Variants in LRP1B observed in about 807,000 individuals in gnomAD.
The protein encoded by LRP1B is low-density lipoprotein receptor-related protein 1B.
In LRP1B, 217 loss-of-function variants were observed where a neutral mutation model predicts 556.6. The observed-to-expected ratio is 0.39, with a 90% CI of 0.35 to 0.44. The LOEUF (loss-of-function observed/expected upper bound fraction) is 0.44, where lower values mean the gene tolerates loss of function less well. Among genes scored for constraint, LRP1B ranks in the 20% least tolerant of loss-of-function variants. The pLI, the probability that LRP1B is intolerant of heterozygous loss-of-function variation, is 1.00. For synonymous variants in LRP1B, 2,047 were observed against 1,865.8 expected (o/e 1.10, Z -2.50); for missense variants, 5,053 against 5,620.8 (o/e 0.90, Z 3.23).
rs144930287 is a variant in LRP1B, at chr2:141,015,735, A to G, written c.2151T>C (p.Asp717=). Residue 717 remains aspartate (D), a synonymous_variant, in exon 13 of 91, where the codon GAT becomes GAC. Coordinates refer to ENST00000389484, the MANE Select transcript of LRP1B (RefSeq NM_018557.3). ...NTLYWCDAYY[D]HIEKVFLNGT... ...CATTCAAAAATACTTTTTCAATATG[A>G]TCGTAATAGGCATCACACCAGTATA... The G allele has an allele frequency of 1.9e-6, 3 of 1,613,132 alleles. No homozygotes were observed. Among genetic ancestry groups the G allele is most frequent in the Non-Finnish European group, 2.5e-6 (3 of 1,179,590 alleles).
At chr2:140,775,190 C>G (rs1689449538) in intron 33 of LRP1B, among the ~76,000 whole-genome samples, 1 of 151,988 alleles carries the variant, frequency 6.6e-6, no homozygotes, top group Non-Finnish European at 1.5e-5. Context: ...CATTTTATCT[C>G]CTGATGTGCA....
chr2:142,102,470 G>C (rs1055147951), intron 1 of LRP1B, among the ~76,000 whole-genome samples: 1 of 151,254 alleles, frequency 6.6e-6, no homozygotes, highest in Non-Finnish European at 1.5e-5. Context: ...ACCTAGGAAA[G>C]AATGAAACTG....
chr2:140,423,308 A>T (rs188217740), intron 66 of LRP1B, among the ~76,000 whole-genome samples: 1 of 152,270 alleles, frequency 6.6e-6, no homozygotes, highest in Non-Finnish European at 1.5e-5. Context: ...CCCCACAAAA[A>T]ATCTGGACAA....
At chr2:140,397,618 A>G (rs1040943167) in intron 66 of LRP1B, among the ~76,000 whole-genome samples, 1 of 152,210 alleles carries the variant, frequency 6.6e-6, no homozygotes, top group African/African-American at 2.4e-5. Flanking sequence ...TAAAAATTAT[A>G]CACAAATATT....
intron 2 of LRP1B, among the ~76,000 whole-genome samples, chr2:141,707,815 G>C (rs1267442218): frequency 6.6e-6 from 1 of 152,188 alleles, no homozygotes; most frequent in Non-Finnish European, 1.5e-5. Context: ...GCAGGAGACA[G>C]CCTGCCAGAT....
At chr2:141,325,071 A>G (rs899629381) in intron 3 of LRP1B, among the ~76,000 whole-genome samples, 4 of 152,120 alleles carry the variant, frequency 2.6e-5, no homozygotes, top group Admixed American at 6.6e-5. Context: ...TTGTAATAAC[A>G]TAACTGTTGA....
intron 6 of LRP1B, among the ~76,000 whole-genome samples, chr2:141,193,157 TG>T (rs1681595117): frequency 6.6e-6 from 1 of 151,964 alleles, no homozygotes; most frequent in Non-Finnish European, 1.5e-5. Context: ...GTTCAACCAT[TG>T]TAGAAAGCAG....
chr2:141,869,739 T>G (rs1400542710), intron 1 of LRP1B, among the ~76,000 whole-genome samples: 1 of 152,104 alleles, frequency 6.6e-6, no homozygotes, highest in Non-Finnish European at 1.5e-5. Flanking sequence ...AAGGATTAAA[T>G]GAGATAATCT....
chr2:140,586,719 C>T (rs1682001275), intron 43 of LRP1B: 1 of 152,032 alleles, frequency 6.6e-6, no homozygotes, highest in Non-Finnish European at 1.5e-5. Context: ...GGGTAGCACC[C>T]CTCACTTTCC....
chr2:141,694,656 A>C (rs1691669241), intron 2 of LRP1B, among the ~76,000 whole-genome samples: 1 of 152,026 alleles, frequency 6.6e-6, no homozygotes, highest in Non-Finnish European at 1.5e-5. Flanking sequence ...CAAAAAAAAA[A>C]AAAGCACAAT....
chr2:142,018,015 T>C (rs1413258419), intron 1 of LRP1B, among the ~76,000 whole-genome samples: 1 of 151,180 alleles, frequency 6.6e-6, no homozygotes, highest in Non-Finnish European at 1.5e-5. Context: ...CATGAACACA[T>C]GATAGCAGGC....
chr2:141,509,159 G>A (rs1458455356), intron 2 of LRP1B, among the ~76,000 whole-genome samples: 1 of 152,088 alleles, frequency 6.6e-6, no homozygotes, highest in African/African-American at 2.4e-5. Context: ...ACTTCCTCAA[G>A]CAAGAAATAC....
chr2:140,728,841 T>A (rs762875708), intron 35 of LRP1B, among the ~76,000 whole-genome samples: 51 of 152,128 alleles, frequency 3.4e-4, no homozygotes, highest in Admixed American at 1.4e-3. Context: ...ATGGGCAAGT[T>A]ACTTAACCTT....
chr2:140,451,466 T>G lies in LRP1B; in HGVS notation c.9964-805A>C, dbSNP rs926262810. Among the ~76,000 whole-genome samples the G allele has an allele frequency of 2.0e-5, 3 of 152,230 alleles. No individual in the cohort carries two copies. The East Asian group carries it at 5.8e-4, about 29-fold the overall frequency. ...ATTTAATTGCATTTTATTCAGAATC[T>G]TGGGCAATTCAATTAACATCTCTTA... On this transcript the variant is annotated intron_variant, in intron 62 of 90. Coordinates refer to ENST00000389484, the MANE Select transcript of LRP1B (RefSeq NM_018557.3).
intron 1 of LRP1B, among the ~76,000 whole-genome samples, chr2:142,087,290 A>T (rs62155560): frequency 0.024 from 2,191 of 91,016 alleles, 25 homozygotes; most frequent in Non-Finnish European, 0.039. Context: ...TAATCTTCCT[A>T]TGTTGTTTTC....
intron 1 of LRP1B, among the ~76,000 whole-genome samples, chr2:142,119,220 C>T (rs1439830593): frequency 6.6e-6 from 1 of 152,080 alleles, no homozygotes; most frequent in African/African-American, 2.4e-5. Flanking sequence ...TGCTTGAAAA[C>T]TAAGAAAGCA....
chr2:140,511,292 C>CTTTTTTTTTTTTTT lies in LRP1B; in HGVS notation c.8270-1250_8270-1237dup, dbSNP rs70985101. Among the ~76,000 whole-genome samples, 6 of 58,458 alleles carry CTTTTTTTTTTTTTT rather than the reference C, an allele frequency of 1.0e-4. 1 individual carries two copies. The highest frequency in any genetic ancestry group is 4.2e-4 in the African/African-American group (6 of 14,232). 38.4% of individuals were successfully genotyped at this position (58,458 alleles called of 152,430 possible). A position where few individuals can be genotyped will look rare whatever the true frequency, so the allele number is the denominator to read the frequency against. On this transcript the variant is annotated intron_variant, in intron 51 of 90. Transcript: ENST00000389484. Reference sequence around the variant, plus strand: ...TATCAAAATACAATCCTCTAAGGGTCTTTTTTTTTTTTTTTTTTTTTTTTT... The same window carrying CTTTTTTTTTTTTTT: ...TATCAAAATACAATCCTCTAAGGGTCTTTTTTTTTTTTTTTTTTTTTTTTTTTTTTTTTTTTTTT...
intron 75 of LRP1B, among the ~76,000 whole-genome samples, chr2:140,354,457 C>T (rs916197460): frequency 3.3e-5 from 5 of 151,976 alleles, no homozygotes; most frequent in Non-Finnish European, 7.4e-5. Flanking sequence ...AAGTGTATTT[C>T]GTTGTTTTTA....
intron 7 of LRP1B, among the ~76,000 whole-genome samples, chr2:141,132,809 A>T (rs1038393293): frequency 6.6e-6 from 1 of 152,104 alleles, no homozygotes; most frequent in African/African-American, 2.4e-5. Flanking sequence ...TGTGATACAC[A>T]AATATAAAAA....
Sources: allele counts gnomAD v4.1 joint callset (sites outside exome capture counted in the v4.1 genomes callset), GRCh38; gene constraint gnomAD v4.1.1; transcripts MANE v1.5; gene names NCBI Gene and HGNC (gene_info 2026-07-23, HGNC 2026-07-21).